The following UGP2 variants were observed in gnomAD, a reference collection of about 807,000 sequenced individuals.
The protein encoded by UGP2 is UDP-glucose pyrophosphorylase 2.
A neutral mutation model predicts 49.0 loss-of-function variants in UGP2; 40 were observed. The observed-to-expected ratio is 0.82, with a 90% CI of 0.63 to 1.06. UGP2 has a LOEUF of 1.06. Ranked by LOEUF, UGP2 falls within the 50% of genes least tolerant of loss-of-function variation. The pLI is 0.00. For synonymous variants in UGP2, 225 were observed against 213.0 expected, an observed-to-expected ratio of 1.06 and a Z score of -0.49; for missense variants, 460 against 603.5, an observed-to-expected ratio of 0.76 and a Z score of 2.49.
intron 3 of UGP2, among the ~76,000 whole-genome samples, chr2:63,866,782 G>C (rs1002014525): frequency 2.0e-5 from 3 of 152,140 alleles, no homozygotes; most frequent in African/African-American, 7.2e-5. Context: ...GGATCATTTT[G>C]GCTGAAATAA....
chr2:63,854,280 C>G (rs533546766), intron 1 of UGP2, among the ~76,000 whole-genome samples: 1 of 152,158 alleles, frequency 6.6e-6, no homozygotes, highest in Non-Finnish European at 1.5e-5. Flanking sequence ...ATGTTTGACT[C>G]CCAATCCACT....
chr2:63,857,569 T>A, intron 2 of UGP2: 1 of 506,914 alleles, frequency 2.0e-6, no homozygotes. Context: ...TTTGCCATAT[T>A]GCCGAGGCTG....
At chr2:63,862,239 G>T (rs3934536) in intron 3 of UGP2, among the ~76,000 whole-genome samples, 26,799 of 151,958 alleles carry the variant, frequency 0.18, 3,154 homozygotes, top group Non-Finnish European at 0.24. Flanking sequence ...GGAATTAGTG[G>T]CATTTAAAGA....
chr2:63,885,836 C>T lies in UGP2; in HGVS notation c.823C>T (p.Arg275Cys), dbSNP rs201388107. 1.2e-5 allele frequency: 19 copies of T among 1,599,374 alleles called. No individual in the cohort carries two copies. Among genetic ancestry groups the T allele is most frequent in the Admixed American group, 3.5e-5 (2 of 56,798 alleles). Residue 275 changes from arginine (R) to cysteine (C), a missense_variant, in exon 6 of 10, where the codon CGC becomes TGC. Arg to Cys is a radical substitution (Grantham distance 180). Around this residue, in one of 2 missense-constraint regions of UGP2, gnomAD observed 317 missense variants for 473.0 expected, o/e 0.67. Transcript: ENST00000337130. Reference protein sequence around the residue: ...NHLMNPPNGKRCEFVMEVTNK... With the variant: ...NHLMNPPNGKCCEFVMEVTNK... ...TCTAATGAACCCACCCAATGGAAAA[C>T]GCTGTGAATTTGTCATGGAAGTCAC... is the stretch of plus-strand genomic sequence containing the variant.
At position 63,890,144 on chromosome 2, in the gene UGP2, G is replaced by A. The variant is rs751800663; in HGVS notation, c.1378G>A (p.Val460Ile). Residue 460 changes from valine to isoleucine, a missense_variant, in exon 9 of 10, where the codon GTT becomes ATT. Around this residue, in one of 2 missense-constraint regions of UGP2, gnomAD observed 317 missense variants for 473.0 expected, o/e 0.67. Coordinates refer to ENST00000337130, the MANE Select transcript of UGP2 (RefSeq NM_006759.4). ...PDMLELDHLT[V>I]SGDVTFGKNV... ...TATGCTTGAATTGGATCACCTCACA[G>A]TTTCAGGAGATGTGACATTTGGAAA... 1 of 1,612,238 alleles carries A rather than the reference G, an allele frequency of 6.2e-7. No individual in the cohort carries two copies. The highest frequency in any genetic ancestry group is 8.5e-7 in the Non-Finnish European group (1 of 1,179,364).
chr2:63,847,670 A>C (rs1020906361), intron 1 of UGP2, among the ~76,000 whole-genome samples: 3 of 152,192 alleles, frequency 2.0e-5, no homozygotes, highest in Non-Finnish European at 4.4e-5. Flanking sequence ...GGGGGTCACA[A>C]GGTGCTCAGT....
In UGP2 at chr2:63,884,206, C is replaced by T. The variant is rs539657480; in HGVS notation, c.575+113C>T. ...TACAGGTACCAAATATTGATGTTCA[C>T]AAGTGTTTGATGCCCATAAAAGCTG... On this transcript the variant is annotated intron_variant, in intron 5 of 9. Coordinates refer to ENST00000337130, the MANE Select transcript of UGP2 (RefSeq NM_006759.4). 23 of 1,292,348 alleles carry T rather than the reference C, an allele frequency of 1.8e-5. No individual in the cohort carries two copies. The Admixed American group carries it at 4.7e-4, about 27-fold the overall frequency. The allele number at this position is 1,292,348 out of a possible 1,614,324, so 80.1% of individuals were successfully genotyped here. A position where few individuals can be genotyped will look rare whatever the true frequency, so the allele number is the denominator to read the frequency against.
chr2:63,845,535 AAG>A (rs1422418358), intron 1 of UGP2, among the ~76,000 whole-genome samples: 6 of 151,516 alleles, frequency 4.0e-5, no homozygotes, highest in African/African-American at 1.5e-4. Context: ...AAAAAAAAAA[AAG>A]TGCCGGGGTG....
chr2:63,882,948 A>G lies in UGP2; in HGVS notation c.441+297A>G, dbSNP rs149565056. 3.8e-3 allele frequency among the ~76,000 whole-genome samples: 584 copies of G among 152,238 alleles called. 3 individuals are homozygous for G. The highest frequency in any genetic ancestry group is 7.3e-3 in the Non-Finnish European group (498 of 68,016). ...TTCTTTCTGGTGGCAGCCTTCATCA[A>G]GGCTGGGATGATCTTGCTTTATTAA... On this transcript the variant is annotated intron_variant, in intron 4 of 9. Coordinates refer to ENST00000337130, the MANE Select transcript of UGP2 (RefSeq NM_006759.4).
intron 3 of UGP2, among the ~76,000 whole-genome samples, chr2:63,868,907 A>G (rs1270369117): frequency 5.3e-5 from 8 of 151,888 alleles, no homozygotes; most frequent in African/African-American, 1.4e-4. Context: ...CTGGGAGGCA[A>G]TGAGCTGAGA....
intron 3 of UGP2, among the ~76,000 whole-genome samples, chr2:63,869,543 C>A (rs1453850664): frequency 2.0e-5 from 3 of 152,160 alleles, no homozygotes; most frequent in African/African-American, 7.2e-5. Flanking sequence ...AAAAGGCACA[C>A]TATTCAAGTT....
chr2:63,891,495 TA>T lies in UGP2; in HGVS notation c.*270del, dbSNP rs1672159069. 1 of 266,108 alleles carries T rather than the reference TA, an allele frequency of 3.8e-6. No homozygotes were observed. Among genetic ancestry groups the T allele is most frequent in the African/African-American group, 2.2e-5 (1 of 44,908 alleles). 16.5% of individuals were successfully genotyped at this position (266,108 alleles called of 1,614,324 possible). A position where few individuals can be genotyped will look rare whatever the true frequency, so the allele number is the denominator to read the frequency against. ...AACTGGGCAACTTTGGAAGAACTTT[TA>T]ACAGAAGCCTCAATGATGATCACTT... is the stretch of plus-strand genomic sequence containing the variant. On this transcript the variant is annotated 3_prime_UTR_variant, in exon 10 of 10. Transcript: ENST00000337130.
At chr2:63,861,600 A>C (rs1473818468) in intron 3 of UGP2, among the ~76,000 whole-genome samples, 1 of 150,482 alleles carries the variant, frequency 6.6e-6, no homozygotes, top group East Asian at 1.9e-4. Flanking sequence ...AGGTAGGAAG[A>C]TCACTTGAGC....
intron 3 of UGP2, among the ~76,000 whole-genome samples, chr2:63,872,331 A>G (rs1670613063): frequency 1.3e-5 from 2 of 152,376 alleles, no homozygotes; most frequent in African/African-American, 4.8e-5. Flanking sequence ...TATATGGTGG[A>G]TCCTGCTTTC....
intron 4 of UGP2, among the ~76,000 whole-genome samples, chr2:63,883,573 C>T (rs1212903482): frequency 2.0e-5 from 3 of 152,090 alleles, no homozygotes; most frequent in East Asian, 1.9e-4. Context: ...AGAGTAAATG[C>T]GTAATCAGCA....
chr2:63,876,689 C>T (rs1670926673), intron 3 of UGP2, among the ~76,000 whole-genome samples: 1 of 152,206 alleles, frequency 6.6e-6, no homozygotes, highest in Non-Finnish European at 1.5e-5. Context: ...CTTAACTTAG[C>T]ATGCAAGGTT....
intron 1 of UGP2, among the ~76,000 whole-genome samples, chr2:63,843,238 C>T (rs1426165942): frequency 6.6e-6 from 1 of 152,214 alleles, no homozygotes; most frequent in Non-Finnish European, 1.5e-5. Context: ...TAAGAGAATT[C>T]GACTGCCTGT....
rs190127783 is a variant in UGP2, at chr2:63,859,547, A to T, written c.255+1611A>T. Among the ~76,000 whole-genome samples, 5 of 152,294 alleles carry T rather than the reference A, an allele frequency of 3.3e-5. No homozygotes were observed. The East Asian group carries it at 9.6e-4, about 29-fold the overall frequency. Reference sequence around the variant, plus strand: ...TGGAGAAGGAAGGAGAAGAGGAATCATGGGATTTTTTCGGTTCAGTACTAC... The same window carrying T: ...TGGAGAAGGAAGGAGAAGAGGAATCTTGGGATTTTTTCGGTTCAGTACTAC... On this transcript the variant is annotated intron_variant, in intron 3 of 9. Transcript: ENST00000337130.
intron 3 of UGP2, among the ~76,000 whole-genome samples, chr2:63,870,615 A>G (rs778990203): frequency 6.6e-6 from 1 of 152,240 alleles, no homozygotes; most frequent in East Asian, 1.9e-4. Context: ...TAAGGATTTA[A>G]AAGTAGGACA....
Sources: allele counts gnomAD v4.1 joint callset (sites outside exome capture counted in the v4.1 genomes callset), GRCh38; gene constraint gnomAD v4.1.1; regional missense constraint gnomAD v4.1.1; transcripts MANE v1.5; gene names NCBI Gene and HGNC (gene_info 2026-07-23, HGNC 2026-07-21).